The following IKBKE variants were observed in gnomAD, a reference collection of about 807,000 sequenced individuals.
IKBKE encodes inhibitor of nuclear factor kappa-B kinase subunit epsilon.
In IKBKE, 45 loss-of-function variants were observed where a neutral mutation model predicts 92.1. The ratio of observed to expected loss-of-function variants is 0.49; its 90% confidence interval spans 0.38 to 0.63. The LOEUF is 0.63. Among genes scored for constraint, IKBKE ranks in the 20% least tolerant of loss-of-function variants. The pLI is 0.00. For synonymous variants in IKBKE, 374 were observed against 380.3 expected, an observed-to-expected ratio of 0.98 and a Z score of 0.19; for missense variants, 700 against 932.8, an observed-to-expected ratio of 0.75 and a Z score of 3.25.
intron 21 of IKBKE, among the ~76,000 whole-genome samples, chr1:206,495,472 G>A (rs1666191629): frequency 1.3e-5 from 2 of 152,182 alleles, no homozygotes; most frequent in Admixed American, 1.3e-4. Context: ...ATTGGGGCCA[G>A]GAGGTAGGGA....
At position 206,478,365 on chromosome 1, in the gene IKBKE, G is replaced by A. The variant is rs373678029; in HGVS notation, c.992+26G>A. On this transcript the variant is annotated intron_variant, in intron 9 of 21. Transcript: ENST00000581977. The surrounding 1 kb of genome is among the most constrained non-coding windows in gnomAD (Gnocchi z 4.8). ...GTAAGTGGGGGCGAGGGAGGGAAGCGGTGAGAACCTTCTCTACCCAAGCAG... is the reference window on the plus strand; with the variant it reads ...GTAAGTGGGGGCGAGGGAGGGAAGCAGTGAGAACCTTCTCTACCCAAGCAG... 2.5e-5 allele frequency: 40 copies of A among 1,605,146 alleles called. No homozygotes were observed. Among genetic ancestry groups the A allele is most frequent in the Middle Eastern group, 1.6e-4 (1 of 6,076 alleles).
intron 7 of IKBKE, among the ~76,000 whole-genome samples, chr1:206,477,319 C>G (rs921779093): frequency 2.0e-5 from 3 of 152,178 alleles, no homozygotes; most frequent in African/African-American, 2.4e-5. Flanking sequence ...GGTTGCTGCA[C>G]CCACCTCAGC....
intron 16 of IKBKE, among the ~76,000 whole-genome samples, chr1:206,488,807 T>C (rs1421850524): frequency 2.6e-5 from 4 of 152,196 alleles, no homozygotes; most frequent in Non-Finnish European, 4.4e-5. Flanking sequence ...CAGACACGTA[T>C]GTAATTCTAA....
At chr1:206,488,899 G>C (rs782399198) in intron 16 of IKBKE, among the ~76,000 whole-genome samples, 3 of 152,134 alleles carry the variant, frequency 2.0e-5, no homozygotes, top group Non-Finnish European at 4.4e-5. Flanking sequence ...AATATATCCA[G>C]TGTCATTTTA....
At chr1:206,495,773 G>A (rs547454747) in intron 21 of IKBKE, among the ~76,000 whole-genome samples, 1 of 152,310 alleles carries the variant, frequency 6.6e-6, no homozygotes, top group African/African-American at 2.4e-5. Flanking sequence ...TGTAGCCAAA[G>A]AGCCAAATGA....
chr1:206,475,529 G>A (rs1553385021), intron 5 of IKBKE, among the ~76,000 whole-genome samples: 1 of 152,164 alleles, frequency 6.6e-6, no homozygotes, highest in African/African-American at 2.4e-5. Context: ...GAGGTTGGGG[G>A]TTTGAGACCA....
At chr1:206,475,219 A>G (rs1328835618) in intron 5 of IKBKE, 9 of 536,838 alleles carry the variant, frequency 1.7e-5, no homozygotes, top group Non-Finnish European at 6.5e-6. Context: ...GGAGGTACCT[A>G]AAATAGAATA....
chr1:206,486,667 G>C (rs1351607747), intron 15 of IKBKE, among the ~76,000 whole-genome samples: 1 of 148,748 alleles, frequency 6.7e-6, no homozygotes, highest in Non-Finnish European at 1.5e-5. Flanking sequence ...CCCAGGCTCT[G>C]TCTTTTGGAT....
At chr1:206,481,766 C>CTTTTTTTTT (rs71152472) in intron 13 of IKBKE, among the ~76,000 whole-genome samples, 7 of 46,538 alleles carry the variant, frequency 1.5e-4, no homozygotes, top group East Asian at 7.6e-4. Context: ...AAGGATGAGG[C>CTTTTTTTTT]TTTTTTTTTT....
At chr1:206,477,409 A>C (rs1553385681) in intron 7 of IKBKE, among the ~76,000 whole-genome samples, 1 of 152,140 alleles carries the variant, frequency 6.6e-6, no homozygotes, top group East Asian at 1.9e-4. Context: ...TTGTCAGGGA[A>C]GGCTGGACTC....
rs1381992138 is a variant in IKBKE, at chr1:206,480,488, C to T, written c.1382C>T (p.Ala461Val). Residue 461 changes from alanine to valine, a missense_variant, in exon 13 of 22, where the codon GCA (alanine) becomes GTA (valine). Transcript: ENST00000581977. ...QATCRRTLEVARTSLLYLSSS... is the reference protein window; with the variant it reads ...QATCRRTLEVVRTSLLYLSSS... ...ACATGCAGACGGACTCTGGAAGTGG[C>T]AAGGACATCCCTCCTCTACCTCAGC... The T allele has an allele frequency of 3.7e-6, 6 of 1,613,718 alleles. No individual in the cohort carries two copies. Among genetic ancestry groups the T allele is most frequent in the Non-Finnish European group, 5.1e-6 (6 of 1,179,870 alleles).
chr1:206,486,964 C>G (rs1464330919), intron 15 of IKBKE, among the ~76,000 whole-genome samples: 6 of 152,188 alleles, frequency 3.9e-5, no homozygotes, highest in African/African-American at 1.2e-4. Flanking sequence ...GGCTGCAGAT[C>G]TGAGCCCTGT....
intron 21 of IKBKE, among the ~76,000 whole-genome samples, chr1:206,494,359 C>T (rs1023613195): frequency 1.3e-5 from 2 of 152,110 alleles, no homozygotes; most frequent in African/African-American, 2.4e-5. Context: ...TGTGCTACCC[C>T]AGGAAGCCAC....
At position 206,471,157 on chromosome 1, in the gene IKBKE, T is replaced by A. The variant is rs2103442862; in HGVS notation, c.-121T>A. Reference sequence around the variant, plus strand: ...TCCGCCCTCCTCTTTCCGGTGTAGCTCAGCTCCTGGACGTGCCACAGACAG... The same window carrying A: ...TCCGCCCTCCTCTTTCCGGTGTAGCACAGCTCCTGGACGTGCCACAGACAG... On this transcript the variant is annotated splice_region_variant and 5_prime_UTR_variant, in exon 2 of 22. Coordinates refer to ENST00000581977, the MANE Select transcript of IKBKE (RefSeq NM_014002.4). 1 of 152,366 alleles carries A rather than the reference T, an allele frequency of 6.6e-6. No homozygotes were observed. Among genetic ancestry groups the A allele is most frequent in the South Asian group, 2.1e-4 (1 of 4,824 alleles). The allele number at this position is 152,366 out of a possible 1,614,324, so 9.4% of individuals were successfully genotyped here.
At chr1:206,488,702 C>A (rs983528461) in intron 16 of IKBKE, among the ~76,000 whole-genome samples, 1 of 152,170 alleles carries the variant, frequency 6.6e-6, no homozygotes, top group African/African-American at 2.4e-5. Flanking sequence ...CCAAGCATTT[C>A]CTAATCTGTA....
intron 21 of IKBKE, 35 bp from the exon 22 acceptor site, chr1:206,496,077 A>T: frequency 6.3e-7 from 1 of 1,595,702 alleles, no homozygotes; most frequent in Non-Finnish European, 8.6e-7. Context: ...CCTCTCCAAC[A>T]GGTGGGCACT....
intron 21 of IKBKE, 81 bp downstream of exon 21, chr1:206,494,072 C>A: frequency 8.3e-7 from 1 of 1,199,838 alleles, no homozygotes; most frequent in South Asian, 1.3e-5. Context: ...GTCCCCAAGC[C>A]TGCCCATGCA....
In IKBKE at chr1:206,490,779, T is replaced by A. The variant is rs781850170; in HGVS notation, c.1694-40T>A. On this transcript the variant is annotated intron_variant, in intron 16 of 21. Coordinates refer to ENST00000581977, the MANE Select transcript of IKBKE (RefSeq NM_014002.4). This position sits in a 1 kb window ranked among gnomAD's most constrained non-coding sequence, Gnocchi z 5.2. Reference sequence around the variant, plus strand: ...CTTTGCTGCACACTGTTTCGTTGACTGATTGAATAGGTGACATCTGTTCTG... The same window carrying A: ...CTTTGCTGCACACTGTTTCGTTGACAGATTGAATAGGTGACATCTGTTCTG... The A allele has an allele frequency of 1.7e-5, 27 of 1,605,796 alleles. No homozygotes were observed. The East Asian group carries it at 6.0e-4, about 36-fold the overall frequency.
intron 3 of IKBKE, among the ~76,000 whole-genome samples, 198 bp downstream of exon 3, chr1:206,473,512 C>T (rs1043286602): frequency 3.9e-5 from 6 of 152,170 alleles, no homozygotes; most frequent in East Asian, 1.9e-4. Context: ...ATGCCTCTGT[C>T]GGGCACGAGT....
Sources: allele counts gnomAD v4.1 joint callset (sites outside exome capture counted in the v4.1 genomes callset), GRCh38; gene constraint gnomAD v4.1.1; non-coding constraint Gnocchi (gnomAD v3.1); transcripts MANE v1.5; gene names NCBI Gene and HGNC (gene_info 2026-07-23, HGNC 2026-07-21).